FOXO3: variants seen among roughly 807,000 people sequenced by gnomAD.
FOXO3 encodes the protein forkhead box O3.
A neutral mutation model predicts 41.9 loss-of-function variants in FOXO3; 4 were observed. The observed-to-expected ratio is 0.10, with a 90% CI of 0.05 to 0.22. The LOEUF (loss-of-function observed/expected upper bound fraction) is 0.22. FOXO3 is among the 10% of genes least tolerant of loss of function. FOXO3 has a pLI of 1.00. For synonymous variants in FOXO3, 318 were observed against 389.3 expected (o/e 0.82, Z 2.16); for missense variants, 534 against 906.8 (o/e 0.59, Z 5.28).
At chr6:108,603,078 T>C (rs1289078010) in intron 1 of FOXO3, among the ~76,000 whole-genome samples, 3 of 152,160 alleles carry the variant, frequency 2.0e-5, no homozygotes, top group African/African-American at 4.8e-5. Context: ...AGACTTTTTT[T>C]CCCTCACTTT....
At chr6:108,616,129 A>G (rs945428232) in intron 1 of FOXO3, among the ~76,000 whole-genome samples, 3 of 142,182 alleles carry the variant, frequency 2.1e-5, no homozygotes, top group African/African-American at 5.3e-5. Flanking sequence ...CTGGGACTAC[A>G]GGTATGTGCC....
At position 108,664,882 on chromosome 6, in the gene FOXO3, C is replaced by CA. The variant is rs1366350067; in HGVS notation, c.*30dup. 6.3e-7 allele frequency: 1 copy of CA among 1,598,172 alleles called. No individual in the cohort carries two copies. Among genetic ancestry groups the CA allele is most frequent in the Non-Finnish European group, 8.5e-7 (1 of 1,171,716 alleles). ...GGATCACTGAGGAAGGGGAAGTGGG[C>CA]AAAGCAGGTCAGTGCCGAATGCTAT... On this transcript the variant is annotated 3_prime_UTR_variant, in exon 2 of 3. Transcript: ENST00000406360.
intron 1 of FOXO3, among the ~76,000 whole-genome samples, chr6:108,621,656 G>C (rs912107435): frequency 3.9e-5 from 6 of 152,108 alleles, no homozygotes; most frequent in African/African-American, 1.4e-4. Flanking sequence ...GATGTGTCCA[G>C]CTCAAAATGC....
chr6:108,584,055 T>C (rs1232464502), intron 1 of FOXO3, among the ~76,000 whole-genome samples: 3 of 152,150 alleles, frequency 2.0e-5, no homozygotes, highest in Non-Finnish European at 4.4e-5. Context: ...CTTGATCATA[T>C]GGGGGCGTGC....
chr6:108,612,675 T>A (rs1439734675), intron 1 of FOXO3, among the ~76,000 whole-genome samples: 1 of 151,636 alleles, frequency 6.6e-6, no homozygotes, highest in African/African-American at 2.4e-5. Flanking sequence ...AGCGAAACTC[T>A]GTCTCAAAAA....
At chr6:108,638,366 C>T (rs1162328849) in intron 1 of FOXO3, among the ~76,000 whole-genome samples, 1 of 152,202 alleles carries the variant, frequency 6.6e-6, no homozygotes, top group Non-Finnish European at 1.5e-5. Flanking sequence ...CTACTAAATA[C>T]AAGGTTTGAA....
intron 1 of FOXO3, among the ~76,000 whole-genome samples, chr6:108,614,257 A>G (rs1374375014): frequency 6.6e-6 from 1 of 152,140 alleles, no homozygotes; most frequent in African/African-American, 2.4e-5. Context: ...TGTTCTATCA[A>G]TTACTGTGAA....
chr6:108,574,572 G>T (rs1192995460), intron 1 of FOXO3, among the ~76,000 whole-genome samples: 1 of 152,188 alleles, frequency 6.6e-6, no homozygotes, highest in Admixed American at 6.5e-5. Flanking sequence ...ATTTTGTGAG[G>T]TGGTCGTCTC....
chr6:108,646,211 G>T (rs1009248783), intron 1 of FOXO3, among the ~76,000 whole-genome samples: 3 of 152,168 alleles, frequency 2.0e-5, no homozygotes, highest in Non-Finnish European at 4.4e-5. Flanking sequence ...AAATAGTCTT[G>T]CATGGAACTC....
chr6:108,650,282 C>T (rs1415480075), intron 1 of FOXO3, among the ~76,000 whole-genome samples: 1 of 152,142 alleles, frequency 6.6e-6, no homozygotes, highest in Non-Finnish European at 1.5e-5. Context: ...GGCTCACCCT[C>T]CAACTCTCCA....
chr6:108,651,188 T>G (rs896234070), intron 1 of FOXO3, among the ~76,000 whole-genome samples: 4 of 152,350 alleles, frequency 2.6e-5, no homozygotes, highest in Admixed American at 6.5e-5. Context: ...ATACATCAAT[T>G]GTTTTGTTTG....
At chr6:108,602,109 C>CAAAA (rs1777070622) in intron 1 of FOXO3, among the ~76,000 whole-genome samples, 1 of 152,012 alleles carries the variant, frequency 6.6e-6, no homozygotes, top group Non-Finnish European at 1.5e-5. Context: ...AAGGGTTTTT[C>CAAAA]CCCCTAGTTT....
chr6:108,659,222 T>C (rs1778777168), intron 1 of FOXO3, among the ~76,000 whole-genome samples: 1 of 152,194 alleles, frequency 6.6e-6, no homozygotes, highest in East Asian at 1.9e-4. Context: ...AAAATTTTTT[T>C]TTAGGAAGGG....
intron 1 of FOXO3, among the ~76,000 whole-genome samples, chr6:108,648,861 G>A (rs1778465471): frequency 6.6e-6 from 1 of 151,862 alleles, no homozygotes; most frequent in Non-Finnish European, 1.5e-5. Context: ...GTGAAGTGTA[G>A]GGGCGCACAC....
intron 1 of FOXO3, among the ~76,000 whole-genome samples, chr6:108,621,644 C>T (rs1186441205): frequency 6.6e-6 from 1 of 152,064 alleles, no homozygotes; most frequent in Admixed American, 6.5e-5. Flanking sequence ...AGGCCCACAG[C>T]AGATGTGTCC....
intron 1 of FOXO3, among the ~76,000 whole-genome samples, chr6:108,601,285 G>A (rs1562240276): frequency 6.6e-6 from 1 of 151,572 alleles, no homozygotes; most frequent in Non-Finnish European, 1.5e-5. Context: ...GTGTCCTAGT[G>A]CTTTTTAAAA....
chr6:108,581,352 C>G (rs1776415334), intron 1 of FOXO3, among the ~76,000 whole-genome samples: 1 of 152,018 alleles, frequency 6.6e-6, no homozygotes, highest in South Asian at 2.1e-4. Flanking sequence ...GCAGCCCAGT[C>G]AGAATACCTT....
chr6:108,605,293 A>G (rs2802295), intron 1 of FOXO3, among the ~76,000 whole-genome samples: 76,426 of 151,736 alleles, frequency 0.5, 21,419 homozygotes, highest in East Asian at 0.69. Context: ...TAATTTTTGT[A>G]TGTTTAGTAG....
chr6:108,663,860 C>G lies in FOXO3; in HGVS notation c.1027C>G (p.Leu343Val), dbSNP rs774302968. 6 of 1,613,916 alleles carry G rather than the reference C, an allele frequency of 3.7e-6. No individual in the cohort carries two copies. The highest frequency in any genetic ancestry group is 5.1e-6 in the Non-Finnish European group (6 of 1,179,878). The change falls in exon 2 of 3, where the codon CTC (leucine) becomes GTC (valine). Residue 343 changes from leucine to valine, a missense_variant. Around this residue, in one of 8 missense-constraint regions of FOXO3, gnomAD observed 185 missense variants for 224.9 expected, o/e 0.82. Transcript: ENST00000406360. ...LDEVQDDDAP[L>V]SPMLYSSSAS... is the part of the protein sequence containing the mutation. ...TGAAGTCCAGGACGATGATGCGCCT[C>G]TCTCGCCCATGCTCTACAGCAGCTC...
Sources: allele counts gnomAD v4.1 joint callset (sites outside exome capture counted in the v4.1 genomes callset), GRCh38; gene constraint gnomAD v4.1.1; regional missense constraint gnomAD v4.1.1; transcripts MANE v1.5; gene names NCBI Gene and HGNC (gene_info 2026-07-23, HGNC 2026-07-21).